The following FOXP2 variants were observed in gnomAD, a reference collection of about 807,000 sequenced individuals.
FOXP2 encodes the protein forkhead box protein P2.
A neutral mutation model predicts 115.8 loss-of-function variants in FOXP2; 12 were observed. The ratio of observed to expected loss-of-function variants is 0.10; its 90% confidence interval spans 0.07 to 0.17. The LOEUF (loss-of-function observed/expected upper bound fraction) is 0.17. FOXP2 is among the 10% of genes least tolerant of loss of function. The pLI, the probability that FOXP2 is intolerant of heterozygous loss-of-function variation, is 1.00. For synonymous variants in FOXP2, 328 were observed against 297.7 expected, an observed-to-expected ratio of 1.10 and a Z score of -1.05; for missense variants, 629 against 843.5, an observed-to-expected ratio of 0.75 and a Z score of 3.15.
chr7:114,618,863 A>G (rs1160757559), intron 3 of FOXP2, among the ~76,000 whole-genome samples: 1 of 152,126 alleles, frequency 6.6e-6, no homozygotes, highest in Non-Finnish European at 1.5e-5. Context: ...AGTCTCTTGA[A>G]GGGGAAGTTC....
At chr7:114,147,625 AG>A (rs1334907752) in intron 1 of FOXP2, among the ~76,000 whole-genome samples, 3 of 152,164 alleles carry the variant, frequency 2.0e-5, no homozygotes, top group Non-Finnish European at 4.4e-5. Flanking sequence ...TTTTGCTCAA[AG>A]GGTATTGCCA....
chr7:114,245,840 C>CA (rs1354033356), intron 1 of FOXP2, among the ~76,000 whole-genome samples: 3 of 149,290 alleles, frequency 2.0e-5, no homozygotes, highest in Non-Finnish European at 1.5e-5. Flanking sequence ...TTTTAAGTTC[C>CA]AAAGTTTTTT....
intron 2 of FOXP2, among the ~76,000 whole-genome samples, chr7:114,504,363 G>A (rs1797714403): frequency 6.6e-6 from 1 of 151,494 alleles, no homozygotes; most frequent in Admixed American, 6.6e-5. Flanking sequence ...GAGCCATGAT[G>A]ATAGTATCTG....
In FOXP2 at chr7:114,604,364, G is replaced by A. The variant is rs1216607591; in HGVS notation, c.259-24176G>A. On this transcript the variant is annotated intron_variant, in intron 3 of 16. Transcript: ENST00000350908. ...TTAAGATTTCAAAATACAAATTTTT[G>A]TGTGGATGTAAACATTCAGTGTATA... 2.0e-5 allele frequency among the ~76,000 whole-genome samples: 3 copies of A among 152,138 alleles called. No homozygotes were observed. The East Asian group carries it at 5.8e-4, about 29-fold the overall frequency.
intron 3 of FOXP2, among the ~76,000 whole-genome samples, chr7:114,545,803 T>C (rs1387074362): frequency 6.6e-6 from 1 of 152,166 alleles, no homozygotes; most frequent in Admixed American, 6.5e-5. Flanking sequence ...CATCTAGAAA[T>C]CTTTTTTGCA....
At chr7:114,526,445 CA>C (rs1300991336) in intron 2 of FOXP2, among the ~76,000 whole-genome samples, 1 of 146,582 alleles carries the variant, frequency 6.8e-6, no homozygotes, top group East Asian at 2.0e-4. Context: ...CATTGCACTC[CA>C]GTCTGGGCGA....
intron 1 of FOXP2, among the ~76,000 whole-genome samples, chr7:114,126,388 A>C (rs190890764): frequency 6.6e-6 from 1 of 152,190 alleles, no homozygotes; most frequent in Admixed American, 6.5e-5. Flanking sequence ...TGGGATTAGC[A>C]TGTACCCTTC....
intron 3 of FOXP2, among the ~76,000 whole-genome samples, chr7:114,553,295 T>C (rs1428878209): frequency 1.3e-5 from 2 of 152,180 alleles, no homozygotes; most frequent in African/African-American, 2.4e-5. Flanking sequence ...TGCTGCATAA[T>C]ATACATGAAA....
intron 2 of FOXP2, among the ~76,000 whole-genome samples, chr7:114,468,960 A>T (rs1047348871): frequency 1.2e-4 from 19 of 152,160 alleles, no homozygotes; most frequent in African/African-American, 4.3e-4. Context: ...TGCACATAAG[A>T]ACTCTTAGTA....
At chr7:114,345,903 A>G (rs1702285673) in intron 2 of FOXP2, among the ~76,000 whole-genome samples, 1 of 151,810 alleles carries the variant, frequency 6.6e-6, no homozygotes, top group African/African-American at 2.4e-5. Flanking sequence ...TGAGTAATAT[A>G]CTTATTAAGA....
chr7:114,292,218 T>G (rs1240974735), intron 2 of FOXP2, among the ~76,000 whole-genome samples: 3 of 151,788 alleles, frequency 2.0e-5, no homozygotes, highest in African/African-American at 7.3e-5. Context: ...TGGGGGCCAC[T>G]CTAGAGACTG....
chr7:114,098,841 G>T (rs578200050), intron 1 of FOXP2, among the ~76,000 whole-genome samples: 54 of 152,274 alleles, frequency 3.5e-4, no homozygotes, highest in African/African-American at 1.2e-3. Context: ...AATTTTAAAA[G>T]AACTCATATA....
At chr7:114,487,039 A>T (rs1333058495) in intron 2 of FOXP2, among the ~76,000 whole-genome samples, 1 of 151,876 alleles carries the variant, frequency 6.6e-6, no homozygotes, top group Non-Finnish European at 1.5e-5. Context: ...GCCAGTGGGG[A>T]CTCTGTGTGA....
At chr7:114,608,293 C>T (rs1482620116) in intron 3 of FOXP2, among the ~76,000 whole-genome samples, 5 of 152,184 alleles carry the variant, frequency 3.3e-5, no homozygotes, top group African/African-American at 1.2e-4. Context: ...GTTGTGGTCT[C>T]ACCTGGAAGT....
At chr7:114,588,533 T>G (rs1802269075) in intron 3 of FOXP2, among the ~76,000 whole-genome samples, 1 of 152,152 alleles carries the variant, frequency 6.6e-6, no homozygotes, top group Non-Finnish European at 1.5e-5. Context: ...TGACAATACA[T>G]ATCTTCTTTA....
chr7:114,559,387 G>C (rs958131824), intron 3 of FOXP2, among the ~76,000 whole-genome samples: 4 of 152,060 alleles, frequency 2.6e-5, no homozygotes, highest in Non-Finnish European at 5.9e-5. Flanking sequence ...AGACAGCCTG[G>C]ATTCTGGATA....
chr7:114,489,888 T>A (rs1192317760), intron 2 of FOXP2, among the ~76,000 whole-genome samples: 1 of 152,152 alleles, frequency 6.6e-6, no homozygotes, highest in African/African-American at 2.4e-5. Flanking sequence ...TATTGCTGTG[T>A]ATCTACTATC....
chr7:114,668,261 C>A (rs1254999510), intron 16 of FOXP2: 2 of 151,956 alleles, frequency 1.3e-5, no homozygotes, highest in African/African-American at 4.8e-5. Context: ...TTTTTTGAAG[C>A]ATTAGAAGAG....
chr7:114,237,572 G>T (rs982573390), intron 1 of FOXP2, among the ~76,000 whole-genome samples: 2 of 152,130 alleles, frequency 1.3e-5, no homozygotes, highest in African/African-American at 4.8e-5. Context: ...ACGTGCTCAG[G>T]CCTGCTCCCA....
Sources: gnomAD v4.1 joint callset for allele counts (sites outside exome capture counted in the v4.1 genomes callset) on GRCh38, gnomAD v4.1.1 for gene constraint, MANE v1.5 for transcripts, NCBI Gene and HGNC (gene_info 2026-07-23, HGNC 2026-07-21) for gene names.